The following MAPK10 variants were observed in gnomAD, a reference collection of about 807,000 sequenced individuals.
MAPK10 encodes the protein JNK3 alpha protein kinase.
Under a neutral mutation model 59.3 loss-of-function variants are expected in MAPK10, and 25 were observed. The ratio of observed to expected loss-of-function variants is 0.42; its 90% CI spans 0.31 to 0.59. The LOEUF (loss-of-function observed/expected upper bound fraction) is 0.59, where lower values mean the gene tolerates loss of function less well. Among genes scored for constraint, MAPK10 ranks in the 20% least tolerant of loss-of-function variants. MAPK10 has a pLI of 0.15. For missense variants in MAPK10, 351 were observed against 568.9 expected, an observed-to-expected ratio of 0.62 and a Z score of 3.90; for synonymous variants, 190 against 200.5, an observed-to-expected ratio of 0.95 and a Z score of 0.44.
Position 86,493,319 on chromosome 4 carries a change from GTGTC to G in MAPK10, c.-263+100587_-263+100590del, listed in dbSNP as rs1048257092. The stretch of plus-strand genomic sequence containing the variant: ...GGCTGAAGTTTTTCTTTTATCAGGG[GTGTC>G]CTAGTAAGTTATTATTTGTTCAGTC... On this transcript the variant is annotated intron_variant, in intron 1 of 4. Coordinates refer to the MAPK10 transcript ENST00000502302. 5.0e-4 allele frequency among the ~76,000 whole-genome samples: 76 copies of G among 152,216 alleles called. 2 individuals carry two copies. The highest frequency in any genetic ancestry group is 2.1e-3 in the Admixed American group (32 of 15,290).
chr4:86,255,536 G>C (rs1313926497), intron 2 of MAPK10, among the ~76,000 whole-genome samples: 5 of 152,156 alleles, frequency 3.3e-5, no homozygotes, highest in African/African-American at 1.2e-4. Flanking sequence ...GCAGTGCTAG[G>C]CTGGGAACTT....
intron 1 of MAPK10, among the ~76,000 whole-genome samples, chr4:86,481,784 A>G (rs1753633621): frequency 1.3e-5 from 2 of 152,332 alleles, no homozygotes; most frequent in South Asian, 4.1e-4. Context: ...AAGAAATTCA[A>G]ATTAACCCCA....
chr4:86,029,869 C>T (rs1195724381), intron 12 of MAPK10, among the ~76,000 whole-genome samples: 2 of 151,862 alleles, frequency 1.3e-5, no homozygotes, highest in African/African-American at 4.8e-5. Context: ...TGCCAAAAAC[C>T]AAACACATTA....
At position 86,567,351 on chromosome 4, in the gene MAPK10, G is replaced by T. The variant is rs376203835; in HGVS notation, c.-263+26559C>A. Among the ~76,000 whole-genome samples, 10 of 152,038 alleles carry T rather than the reference G, an allele frequency of 6.6e-5. No homozygotes were observed. In the East Asian group the frequency reaches 1.4e-3, roughly 21 times the overall value. On this transcript the variant is annotated intron_variant, in intron 1 of 4. Coordinates refer to the MAPK10 transcript ENST00000502302. Reference sequence around the variant, plus strand: ...TTCTCCTGCCTCAGCCTCCCAAGTAGCTGAAATTACAGGCATGCACCACCA... The same window carrying T: ...TTCTCCTGCCTCAGCCTCCCAAGTATCTGAAATTACAGGCATGCACCACCA...
intron 2 of MAPK10, among the ~76,000 whole-genome samples, chr4:86,196,930 G>T (rs886508453): frequency 6.6e-6 from 1 of 151,998 alleles, no homozygotes; most frequent in African/African-American, 2.4e-5. Context: ...TATTTGTTTT[G>T]GTACCAGCAC....
At chr4:86,031,266 A>C (rs1449220606) in intron 12 of MAPK10, 102 bp downstream of exon 12, 2 of 819,150 alleles carry the variant, frequency 2.4e-6, no homozygotes, top group African/African-American at 1.7e-5. Flanking sequence ...AATAGCAGTC[A>C]GCAAATCATT....
At chr4:86,274,126 C>G (rs1161232447) in intron 2 of MAPK10, among the ~76,000 whole-genome samples, 1 of 151,968 alleles carries the variant, frequency 6.6e-6, no homozygotes, top group Non-Finnish European at 1.5e-5. Context: ...TTATAATAAT[C>G]TGAGTTTTAG....
rs146435414 is a variant in MAPK10, at chr4:86,440,732, T to C, written c.-122+12298A>G. On this transcript the variant is annotated intron_variant, in intron 1 of 13. Coordinates refer to the MAPK10 transcript ENST00000361569. ...CATATGTCATTTAAAATGATGTTTC[T>C]GGTATGAGTCCACTGATATTTTAAA... is the stretch of plus-strand genomic sequence containing the variant. 6.0e-3 allele frequency among the ~76,000 whole-genome samples: 920 copies of C among 152,318 alleles called. 6 individuals are homozygous for C. Among genetic ancestry groups the C allele is most frequent in the African/African-American group, 0.02 (822 of 41,576 alleles).
intron 9 of MAPK10, among the ~76,000 whole-genome samples, chr4:86,076,474 T>C (rs1314559639): frequency 6.6e-6 from 1 of 152,226 alleles, no homozygotes; most frequent in Non-Finnish European, 1.5e-5. Context: ...CTGGAACTCC[T>C]ATCTCCTGTT....
At chr4:86,461,128 C>CTTT (rs34130284) in intron 1 of MAPK10, among the ~76,000 whole-genome samples, 3 of 146,846 alleles carry the variant, frequency 2.0e-5, no homozygotes, top group Admixed American at 2.0e-4. Context: ...CCTGAGTACT[C>CTTT]TTTTTTTTTT....
chr4:86,316,434 T>C (rs2095790065), intron 2 of MAPK10, among the ~76,000 whole-genome samples: 1 of 152,178 alleles, frequency 6.6e-6, no homozygotes, highest in East Asian at 1.9e-4. Context: ...TAATAATATC[T>C]ATGTACAAAT....
At chr4:86,049,511 T>C (rs2043123258) in intron 11 of MAPK10, among the ~76,000 whole-genome samples, 1 of 152,046 alleles carries the variant, frequency 6.6e-6, no homozygotes, top group Non-Finnish European at 1.5e-5. Context: ...TGTGTTAACA[T>C]GATAGGAACT....
intron 3 of MAPK10, among the ~76,000 whole-genome samples, chr4:86,189,020 C>T (rs769715272): frequency 2.0e-5 from 3 of 151,978 alleles, no homozygotes; most frequent in Non-Finnish European, 4.4e-5. Flanking sequence ...ATCCTTTCCC[C>T]ATGGCTTATT....
chr4:86,353,091 A>T (rs1344965045), intron 2 of MAPK10, among the ~76,000 whole-genome samples: 3 of 152,064 alleles, frequency 2.0e-5, no homozygotes, highest in Admixed American at 2.0e-4. Flanking sequence ...CCACCAAAAG[A>T]TCCCTTCCTC....
intron 1 of MAPK10, among the ~76,000 whole-genome samples, chr4:86,590,418 C>T (rs12505291): frequency 0.01 from 1,584 of 152,238 alleles, 10 homozygotes; most frequent in Non-Finnish European, 0.013. Flanking sequence ...TTTTGAATGG[C>T]ACTCTTCCAA....
At chr4:86,446,018 T>C (rs926123603) in intron 1 of MAPK10, among the ~76,000 whole-genome samples, 1 of 152,192 alleles carries the variant, frequency 6.6e-6, no homozygotes, top group African/African-American at 2.4e-5. Flanking sequence ...AGATAACAGT[T>C]TGTTCAAAAT....
intron 4 of MAPK10, chr4:86,107,738 T>A: frequency 1.3e-6 from 1 of 740,824 alleles, no homozygotes; most frequent in Non-Finnish European, 1.6e-6. Context: ...TCATTTAATC[T>A]CTCTGAGCTT....
At chr4:86,236,440 TC>T (rs1260702267) in intron 2 of MAPK10, among the ~76,000 whole-genome samples, 1 of 152,196 alleles carries the variant, frequency 6.6e-6, no homozygotes, top group Non-Finnish European at 1.5e-5. Flanking sequence ...GACTTCTGAA[TC>T]CTACACTTTG....
chr4:86,187,488 G>T (rs1198047096), intron 3 of MAPK10, among the ~76,000 whole-genome samples: 2 of 151,962 alleles, frequency 1.3e-5, no homozygotes, highest in African/African-American at 4.8e-5. Flanking sequence ...GTTATTTCTG[G>T]AATTTTCAAT....
Sources: allele counts gnomAD v4.1 joint callset (sites outside exome capture counted in the v4.1 genomes callset), GRCh38; gene constraint gnomAD v4.1.1; transcripts MANE v1.5; gene names NCBI Gene and HGNC (gene_info 2026-07-23, HGNC 2026-07-21).